The following ROBO1 variants were observed in gnomAD, a reference collection of about 807,000 sequenced individuals.
The protein encoded by ROBO1 is roundabout guidance receptor 1, also known as roundabout homolog 1.
ROBO1 carries 149 observed loss-of-function variants against 195.9 expected under a neutral mutation model. The observed-to-expected ratio is 0.76, with a 90% CI of 0.67 to 0.87. The LOEUF (loss-of-function observed/expected upper bound fraction) is 0.87, where lower values mean the gene tolerates loss of function less well. ROBO1 is among the 40% of genes least tolerant of loss of function. The pLI is 0.00. For synonymous variants in ROBO1, 816 were observed against 733.2 expected, an observed-to-expected ratio of 1.11 and a Z score of -1.82; for missense variants, 1,933 against 2,068.3, an observed-to-expected ratio of 0.93 and a Z score of 1.27.
intron 2 of ROBO1, among the ~76,000 whole-genome samples, chr3:79,533,357 TC>T (rs763409699): frequency 2.0e-5 from 3 of 152,212 alleles, no homozygotes; most frequent in Non-Finnish European, 4.4e-5. Context: ...CTACAGAACT[TC>T]TAAATCAATA....
At chr3:78,983,988 A>T (rs182856674) in intron 3 of ROBO1, among the ~76,000 whole-genome samples, 1 of 152,364 alleles carries the variant, frequency 6.6e-6, no homozygotes, top group Admixed American at 6.5e-5. Context: ...AAACATGGTT[A>T]GGAGAATTCA....
intron 3 of ROBO1, among the ~76,000 whole-genome samples, chr3:79,062,391 C>T (rs2078935093): frequency 6.6e-6 from 1 of 152,090 alleles, no homozygotes; most frequent in African/African-American, 2.4e-5. Context: ...CATTTTTACA[C>T]CTTTGGTGGG....
rs201566784 is a variant in ROBO1 at position 79,543,475 on chromosome 3, TAG to T, written c.88+46347_88+46348del. 3.3e-3 allele frequency among the ~76,000 whole-genome samples: 505 copies of T among 152,136 alleles called. 3 individuals carry two copies. The highest frequency in any genetic ancestry group is 0.017 in the Middle Eastern group (5 of 294). On this transcript the variant is annotated intron_variant, in intron 2 of 30. Coordinates refer to ENST00000464233, the MANE Select transcript of ROBO1 (RefSeq NM_002941.4). ...AATTGGTAAAGAGATAGTGCATCAC[TAG>T]AGAGCCCAGTGGAAAGAAAGCACAG...
chr3:79,231,403 G>A (rs1194684788), intron 2 of ROBO1, among the ~76,000 whole-genome samples: 1 of 151,622 alleles, frequency 6.6e-6, no homozygotes, highest in Non-Finnish European at 1.5e-5. Context: ...GAAGGCAAAG[G>A]ACATAAACTG....
chr3:78,701,925 G>T (rs749531324), intron 8 of ROBO1, among the ~76,000 whole-genome samples: 1 of 151,938 alleles, frequency 6.6e-6, no homozygotes, highest in Non-Finnish European at 1.5e-5. Context: ...GTTTATACTG[G>T]CACATTATTT....
At chr3:79,731,131 C>T (rs1241581879) in intron 1 of ROBO1, among the ~76,000 whole-genome samples, 3 of 152,044 alleles carry the variant, frequency 2.0e-5, no homozygotes, top group Non-Finnish European at 4.4e-5. Context: ...TATAATTGCC[C>T]CACTTTAATA....
intron 3 of ROBO1, among the ~76,000 whole-genome samples, chr3:78,973,310 T>G (rs1004456714): frequency 2.0e-4 from 31 of 151,590 alleles, no homozygotes; most frequent in African/African-American, 6.5e-4. Flanking sequence ...TGTCTTCCAT[T>G]AAGCCTTGTT....
rs1945745633 is a variant in ROBO1 at position 79,644,056 on chromosome 3, A to T, written c.-50-54095T>A. Among the ~76,000 whole-genome samples, 3 of 152,170 alleles carry T rather than the reference A, an allele frequency of 2.0e-5. No individual in the cohort carries two copies. The South Asian group carries it at 6.2e-4, about 32-fold the overall frequency. ...AACTGGGAACCAAAAACCAGTAGCTATAATTATATGAGATTAAATAGATTG... is the reference window on the plus strand; with the variant it reads ...AACTGGGAACCAAAAACCAGTAGCTTTAATTATATGAGATTAAATAGATTG... On this transcript the variant is annotated intron_variant, in intron 1 of 30. Transcript: ENST00000464233.
chr3:79,542,743 G>A (rs751040779), intron 2 of ROBO1, among the ~76,000 whole-genome samples: 12 of 151,974 alleles, frequency 7.9e-5, no homozygotes, highest in Non-Finnish European at 1.2e-4. Flanking sequence ...GCTAGTAAGC[G>A]GTTGAGCCAA....
At position 79,308,341 on chromosome 3, in the gene ROBO1, A is replaced by C. The variant is rs556571540; in HGVS notation, c.89-182802T>G. Among the ~76,000 whole-genome samples, 30 of 152,326 alleles carry C rather than the reference A, an allele frequency of 2.0e-4. 1 individual carries two copies. In the South Asian group the frequency reaches 6.0e-3, roughly 30 times the overall value. Reference sequence around the variant, plus strand: ...TAGGGACTTCTAGGACAAAATCTAAATCATTCATGCAGGAAAAATTTGCAC... The same window carrying C: ...TAGGGACTTCTAGGACAAAATCTAACTCATTCATGCAGGAAAAATTTGCAC... On this transcript the variant is annotated intron_variant, in intron 2 of 30. Transcript: ENST00000464233.
At chr3:79,191,556 T>C (rs2081540616) in intron 2 of ROBO1, among the ~76,000 whole-genome samples, 1 of 151,254 alleles carries the variant, frequency 6.6e-6, no homozygotes, top group South Asian at 2.1e-4. Context: ...AATATTAATA[T>C]AAAATATAAA....
chr3:79,586,263 ATTC>A (rs1207837810), intron 2 of ROBO1, among the ~76,000 whole-genome samples: 1 of 151,988 alleles, frequency 6.6e-6, no homozygotes, highest in African/African-American at 2.4e-5. Flanking sequence ...TGCATAAGGA[ATTC>A]TTTTCACAAT....
At chr3:78,928,226 A>G (rs2039320733) in intron 4 of ROBO1, among the ~76,000 whole-genome samples, 1 of 152,224 alleles carries the variant, frequency 6.6e-6, no homozygotes, top group African/African-American at 2.4e-5. Context: ...GTAACTAAAA[A>G]GAGTATCCAC....
chr3:79,562,757 T>G (rs1676525096), intron 2 of ROBO1, among the ~76,000 whole-genome samples: 1 of 152,062 alleles, frequency 6.6e-6, no homozygotes, highest in Admixed American at 6.6e-5. Context: ...TTATTGTTTT[T>G]CTCAATATCC....
intron 1 of ROBO1, among the ~76,000 whole-genome samples, chr3:79,664,836 G>A (rs1053997741): frequency 6.6e-6 from 1 of 151,924 alleles, no homozygotes; most frequent in African/African-American, 2.4e-5. Flanking sequence ...GGTACTGTAG[G>A]CAGGTTTTCT....
At chr3:79,589,723 A>T in intron 2 of ROBO1, 101 bp downstream of exon 2, 1 of 964,900 alleles carries the variant, frequency 1.0e-6, no homozygotes, top group East Asian at 2.5e-5. Flanking sequence ...GTTCCAAAGA[A>T]AATGAACAAA....
intron 4 of ROBO1, among the ~76,000 whole-genome samples, chr3:78,767,743 T>C (rs947180151): frequency 2.0e-5 from 3 of 152,186 alleles, no homozygotes; most frequent in African/African-American, 4.8e-5. Context: ...AAATGATCTT[T>C]TGTATTTCAG....
chr3:79,549,771 A>C lies in ROBO1; in HGVS notation c.88+40053T>G, dbSNP rs570415006. ...GACACAAAGGGATGACTAGCTCTGC[A>C]GAAAAAGAGGGTAGCCCTTATTCTT... On this transcript the variant is annotated intron_variant, in intron 2 of 30. Transcript: ENST00000464233. Among the ~76,000 whole-genome samples, 20 of 152,226 alleles carry C rather than the reference A, an allele frequency of 1.3e-4. No individual in the cohort carries two copies. The South Asian group carries it at 4.1e-3, about 32-fold the overall frequency.
intron 10 of ROBO1, among the ~76,000 whole-genome samples, chr3:78,682,975 A>G (rs1344362898): frequency 2.0e-5 from 3 of 151,888 alleles, no homozygotes; most frequent in Non-Finnish European, 2.9e-5. Flanking sequence ...ATATTTATAC[A>G]TTTTATTTCT....
Sources: allele counts gnomAD v4.1 joint callset (sites outside exome capture counted in the v4.1 genomes callset), GRCh38; gene constraint gnomAD v4.1.1; transcripts MANE v1.5; gene names NCBI Gene and HGNC (gene_info 2026-07-23, HGNC 2026-07-21).